The following PPP2R5B variants were observed in gnomAD, a reference collection of about 807,000 sequenced individuals.
PPP2R5B encodes serine/threonine-protein phosphatase 2A 56 kDa regulatory subunit beta isoform.
A neutral mutation model predicts 59.9 loss-of-function variants in PPP2R5B; 19 were observed. The observed-to-expected ratio is 0.32, with a 90% CI of 0.22 to 0.47. The LOEUF (loss-of-function observed/expected upper bound fraction) is 0.47. PPP2R5B is among the 20% of genes least tolerant of loss of function. The pLI, the probability that PPP2R5B is intolerant of heterozygous loss-of-function variation, is 1.00. For missense variants in PPP2R5B, 441 were observed against 640.2 expected, an observed-to-expected ratio of 0.69 and a Z score of 3.36; for synonymous variants, 286 against 260.5, an observed-to-expected ratio of 1.10 and a Z score of -0.94.
chr11:64,928,214 G>C, intron 5 of PPP2R5B, 56 bp downstream of exon 5: 1 of 1,613,356 alleles, frequency 6.2e-7, no homozygotes. Flanking sequence ...GGCTCTCTGA[G>C]GGGCCAGGGA....
At chr11:64,922,185 AAT>A (rs201479982), upstream of PPP2R5B, among the ~76,000 whole-genome samples, 5 of 145,594 alleles carry the variant, frequency 3.4e-5, no homozygotes, top group Admixed American at 6.8e-5. Flanking sequence ...GCAAAAAAAA[AAT>A]AAAAAAATAA....
chr11:64,930,233 G>T, intron 6 of PPP2R5B, 89 bp from the exon 7 acceptor site: 1 of 1,411,944 alleles, frequency 7.1e-7, no homozygotes, highest in South Asian at 1.2e-5. Context: ...TGAGCGTGCC[G>T]TGCAGGTGAG....
At chr11:64,919,676 C>T (rs751158856) in intron 1 of PPP2R5B, among the ~76,000 whole-genome samples, 4 of 151,924 alleles carry the variant, frequency 2.6e-5, no homozygotes, top group Non-Finnish European at 5.9e-5. Context: ...GCTATGAATG[C>T]ACCACTGCAC....
upstream of PPP2R5B, among the ~76,000 whole-genome samples, chr11:64,920,203 G>A (rs537321279): frequency 9.2e-5 from 14 of 152,332 alleles, no homozygotes; most frequent in African/African-American, 3.4e-4. Context: ...CTTGGTCCAA[G>A]AAAAGTTATC....
In PPP2R5B at chr11:64,933,681, C is replaced by T. The variant is rs745673494; in HGVS notation, c.1347-16C>T. 1.3e-5 allele frequency: 20 copies of T among 1,546,484 alleles called. No homozygotes were observed. The highest frequency in any genetic ancestry group is 7.9e-6 in the Non-Finnish European group (9 of 1,144,572). On this transcript the variant is annotated splice_polypyrimidine_tract_variant and intron_variant, in intron 13 of 13. Transcript: ENST00000164133. ...GGGGCCCCAGGAAAGGGAGCTGCCTCACCCTCTCTCCCCAGGGAGCAGCAG... is the reference window on the plus strand; with the variant it reads ...GGGGCCCCAGGAAAGGGAGCTGCCTTACCCTCTCTCCCCAGGGAGCAGCAG...
At position 64,933,919 on chromosome 11, in the gene PPP2R5B, G is replaced by A; in HGVS notation, c.*75G>A. On this transcript the variant is annotated 3_prime_UTR_variant, in exon 14 of 14. Coordinates refer to ENST00000164133, the MANE Select transcript of PPP2R5B (RefSeq NM_006244.4). ...ATCCCTTCTCCTGTCCAGGGGCCCA[G>A]AGAGAAACACACCTACCCCTGGCCT... 1 of 1,412,572 alleles carries A rather than the reference G, an allele frequency of 7.1e-7. No individual in the cohort carries two copies. The allele number at this position is 1,412,572 out of a possible 1,614,324, so 87.5% of individuals were successfully genotyped here. A position where few individuals can be genotyped will look rare whatever the true frequency, so the allele number is the denominator to read the frequency against.
chr11:64,918,831 T>A (rs558521357), intron 1 of PPP2R5B, among the ~76,000 whole-genome samples: 2 of 152,300 alleles, frequency 1.3e-5, no homozygotes, highest in South Asian at 2.1e-4. Flanking sequence ...GACTCTTACA[T>A]TCTAATGCCA....
chr11:64,928,753 G>A lies in PPP2R5B; in HGVS notation c.722+328G>A, dbSNP rs537773659. 7.2e-5 allele frequency among the ~76,000 whole-genome samples: 11 copies of A among 152,304 alleles called. No homozygotes were observed. The East Asian group carries it at 1.9e-3, about 27-fold the overall frequency. On this transcript the variant is annotated intron_variant, in intron 6 of 13. Transcript: ENST00000164133. ...CAAAAAATTAGCCGGGCGCGGTGGC[G>A]GGCGCCTGTAGTCCCAGCTACTCGG... is the stretch of plus-strand genomic sequence containing the variant.
chr11:64,922,286 C>A (rs900003036), upstream of PPP2R5B, among the ~76,000 whole-genome samples: 1 of 151,490 alleles, frequency 6.6e-6, no homozygotes, highest in Non-Finnish European at 1.5e-5. Flanking sequence ...GAGTTTGAGA[C>A]CAGCCTGCGC....
At chr11:64,926,043 C>A in intron 2 of PPP2R5B, 110 bp downstream of exon 2, 1 of 1,140,218 alleles carries the variant, frequency 8.8e-7, no homozygotes, top group Non-Finnish European at 1.2e-6. Flanking sequence ...GTTTGGATAC[C>A]CCTCCAGGCT....
At chr11:64,930,699 T>C in intron 8 of PPP2R5B, 110 bp downstream of exon 8, 1 of 918,158 alleles carries the variant, frequency 1.1e-6, no homozygotes, top group Non-Finnish European at 1.7e-6. Flanking sequence ...TCTTTGTCTT[T>C]ATAATTCTGT....
upstream of PPP2R5B, among the ~76,000 whole-genome samples, chr11:64,922,421 G>T (rs1945117953): frequency 6.6e-6 from 1 of 151,976 alleles, no homozygotes; most frequent in Non-Finnish European, 1.5e-5. Flanking sequence ...GGAGGTGGAG[G>T]TTGCAGCAGT....
Position 64,933,993 on chromosome 11 carries a change from G to A in PPP2R5B, c.*149G>A. Reference sequence around the variant, plus strand: ...CCCTGCCCAGCCCAGCTTTCACTGGGGGGAGACGAGGAGAGGCAATGGTGG... The same window carrying A: ...CCCTGCCCAGCCCAGCTTTCACTGGAGGGAGACGAGGAGAGGCAATGGTGG... On this transcript the variant is annotated 3_prime_UTR_variant, in exon 14 of 14. Transcript: ENST00000164133. 2 of 987,428 alleles carry A rather than the reference G, an allele frequency of 2.0e-6. No individual in the cohort carries two copies. Among genetic ancestry groups the A allele is most frequent in the Non-Finnish European group, 2.8e-6 (2 of 723,308 alleles). 61.2% of individuals were successfully genotyped at this position (987,428 alleles called of 1,614,324 possible). A position where few individuals can be genotyped will look rare whatever the true frequency, so the allele number is the denominator to read the frequency against.
chr11:64,924,782 A>T lies in PPP2R5B; in HGVS notation c.-511A>T, dbSNP rs962292714. 9.2e-5 allele frequency: 14 copies of T among 152,308 alleles called. No homozygotes were observed. The highest frequency in any genetic ancestry group is 3.4e-4 in the African/African-American group (14 of 41,454). The allele number at this position is 152,308 out of a possible 1,614,324, so 9.4% of individuals were successfully genotyped here. The stretch of plus-strand genomic sequence containing the variant: ...CTGCACCGCGTTGGGTCGGAGTCCC[A>T]GGACTTCAGCGGAGATCCGCGCGCT... On this transcript the variant is annotated 5_prime_UTR_variant, in exon 1 of 14. Transcript: ENST00000164133.
upstream of PPP2R5B, among the ~76,000 whole-genome samples, chr11:64,920,880 G>A (rs1293566339): frequency 2.7e-5 from 4 of 149,696 alleles, no homozygotes; most frequent in Non-Finnish European, 4.4e-5. Context: ...TGCCCGCCTC[G>A]GCCTCCCAAA....
In PPP2R5B at chr11:64,926,736, A is replaced by AGCTGCTGAGCCGGAAGCTGGCCCAG; in HGVS notation, c.225_249dup (p.Cys84AlafsTer14). 6.2e-7 allele frequency: 1 copy of AGCTGCTGAGCCGGAAGCTGGCCCAG among 1,614,098 alleles called. No homozygotes were observed. The highest frequency in any genetic ancestry group is 8.5e-7 in the Non-Finnish European group (1 of 1,180,014). ...GATGTGCCGGCTTCCGAGCTGCACGAGCTGCTGAGCCGGAAGCTGGCCCAG... is the reference window on the plus strand; with the variant it reads ...GATGTGCCGGCTTCCGAGCTGCACGAGCTGCTGAGCCGGAAGCTGGCCCAGGCTGCTGAGCCGGAAGCTGGCCCAG... On this transcript the variant is annotated frameshift_variant, in exon 3 of 14. Transcript: ENST00000164133. LOFTEE classifies it high-confidence loss of function.
rs1381818942 is a variant in PPP2R5B at position 64,933,876 on chromosome 11, A to G, written c.*32A>G. On this transcript the variant is annotated 3_prime_UTR_variant, in exon 14 of 14. Coordinates refer to ENST00000164133, the MANE Select transcript of PPP2R5B (RefSeq NM_006244.4). Reference sequence around the variant, plus strand: ...CCTCAGAAGGGGAAAAGCTAAACCCAGAGCTGTCAGTCCCTCTATCCCTTC... The same window carrying G: ...CCTCAGAAGGGGAAAAGCTAAACCCGGAGCTGTCAGTCCCTCTATCCCTTC... 6.7e-7 allele frequency: 1 copy of G among 1,488,236 alleles called. No homozygotes were observed. Among genetic ancestry groups the G allele is most frequent in the South Asian group, 1.3e-5 (1 of 74,438 alleles). The allele number at this position is 1,488,236 out of a possible 1,614,324, so 92.2% of individuals were successfully genotyped here.
rs773157961 is a variant in PPP2R5B, at chr11:64,928,270, C to CTG, written c.592-24_592-23dup. The CTG allele has an allele frequency of 2.5e-5, 41 of 1,613,184 alleles. No individual in the cohort carries two copies. The East Asian group carries it at 8.0e-4, about 32-fold the overall frequency. ...GTGGACCTTTCCCCTGACCCTGACC[C>CTG]TGACCCTGACTCTGGTTCCCACAGC... On this transcript the variant is annotated intron_variant, in intron 5 of 13. Transcript: ENST00000164133.
chr11:64,925,639 A>T lies in PPP2R5B; in HGVS notation c.-96A>T. On this transcript the variant is annotated 5_prime_UTR_variant, in exon 2 of 14. It removes an upstream start codon present in the reference 5' UTR. Coordinates refer to ENST00000164133, the MANE Select transcript of PPP2R5B (RefSeq NM_006244.4). This position sits in a 1 kb window ranked among gnomAD's most constrained non-coding sequence, Gnocchi z 4.6. ...GCCCCCCCCCCAAAGGCCGGACAGG[A>T]TGGGACCAAGTTAGTCTGTCCAGTC... is the stretch of plus-strand genomic sequence containing the variant. 3 of 396,448 alleles carry T rather than the reference A, an allele frequency of 7.6e-6. No individual in the cohort carries two copies. The highest frequency in any genetic ancestry group is 9.5e-6 in the Non-Finnish European group (2 of 211,120). The allele number at this position is 396,448 out of a possible 1,614,324, so 24.6% of individuals were successfully genotyped here.
Sources: allele counts gnomAD v4.1 joint callset (sites outside exome capture counted in the v4.1 genomes callset), GRCh38; gene constraint gnomAD v4.1.1; non-coding constraint Gnocchi (gnomAD v3.1); transcripts MANE v1.5; gene names NCBI Gene and HGNC (gene_info 2026-07-23, HGNC 2026-07-21).